GPR158: variants seen among roughly 807,000 people sequenced by gnomAD.
The protein encoded by GPR158 is G protein-coupled receptor 158, also known as metabotropic glycine receptor.
GPR158 carries 30 observed loss-of-function variants against 78.2 expected under a neutral mutation model. The ratio of observed to expected loss-of-function variants is 0.38; its 90% CI spans 0.29 to 0.52. The LOEUF (loss-of-function observed/expected upper bound fraction) is 0.52. Ranked by LOEUF, GPR158 falls within the 20% of genes least tolerant of loss-of-function variation. GPR158 has a pLI of 0.83. For missense variants in GPR158, 1,463 were observed against 1,523.5 expected (o/e 0.96, Z 0.66); for synonymous variants, 581 against 591.1 (o/e 0.98, Z 0.25).
chr10:25,393,266 C>A (rs747424986), intron 2 of GPR158, among the ~76,000 whole-genome samples: 12 of 152,232 alleles, frequency 7.9e-5, no homozygotes, highest in Non-Finnish European at 1.5e-4. Context: ...TGTTGCAGTG[C>A]TGAGTCATAT....
chr10:25,376,254 CTT>C (rs780991717), intron 2 of GPR158, among the ~76,000 whole-genome samples: 35 of 151,578 alleles, frequency 2.3e-4, no homozygotes, highest in Middle Eastern at 3.4e-3. Flanking sequence ...TCATAAGTCT[CTT>C]GTGTATTTTT....
intron 1 of GPR158, among the ~76,000 whole-genome samples, chr10:25,210,224 G>T (rs2130668171): frequency 6.6e-6 from 1 of 152,270 alleles, no homozygotes; most frequent in East Asian, 1.9e-4. Flanking sequence ...TGATTAAATA[G>T]TTGTTAGATA....
chr10:25,428,273 CTA>C (rs1298273321), intron 4 of GPR158, among the ~76,000 whole-genome samples: 1 of 151,982 alleles, frequency 6.6e-6, no homozygotes, highest in African/African-American at 2.4e-5. Flanking sequence ...AGTTAAGAGA[CTA>C]AAATTCTGCT....
At chr10:25,447,450 T>C (rs540006437) in intron 4 of GPR158, among the ~76,000 whole-genome samples, 50 of 152,360 alleles carry the variant, frequency 3.3e-4, no homozygotes, top group African/African-American at 1.1e-3. Context: ...TGTCTGAGTC[T>C]TTCATGGCAT....
chr10:25,385,341 A>G (rs1834208300), intron 2 of GPR158, among the ~76,000 whole-genome samples: 1 of 148,890 alleles, frequency 6.7e-6, no homozygotes, highest in East Asian at 1.9e-4. Context: ...ATTTTTATAT[A>G]TCACAGTTTG....
chr10:25,398,610 T>C (rs868237823), intron 3 of GPR158, among the ~76,000 whole-genome samples: 2 of 152,204 alleles, frequency 1.3e-5, no homozygotes, highest in Non-Finnish European at 2.9e-5. Flanking sequence ...TAACAACTTA[T>C]CTTTATTTAA....
rs762304776 is a variant in GPR158 at position 25,596,730 on chromosome 10, C to T, written c.2086C>T (p.Leu696=). Residue 696 remains leucine, a synonymous_variant, in exon 10 of 11, where the codon CTG becomes TTG. Transcript: ENST00000376351. Reference sequence around the variant, plus strand: ...AGACATGGGCCGATCTGGATCCTACCTGAACAGCAGTATCAATTCAGCCTG... The same window carrying T: ...AGACATGGGCCGATCTGGATCCTACTTGAACAGCAGTATCAATTCAGCCTG... ...ELDMGRSGSY[L]NSSINSAWSE... 3 of 1,613,672 alleles carry T rather than the reference C, an allele frequency of 1.9e-6. No individual in the cohort carries two copies. Among genetic ancestry groups the T allele is most frequent in the South Asian group, 1.1e-5 (1 of 91,062 alleles).
chr10:25,454,179 T>A (rs1047170834), intron 4 of GPR158, among the ~76,000 whole-genome samples: 9 of 152,142 alleles, frequency 5.9e-5, no homozygotes, highest in Non-Finnish European at 1.3e-4. Context: ...TTTTAGGCTA[T>A]TGAAAATGAG....
intron 2 of GPR158, among the ~76,000 whole-genome samples, chr10:25,297,124 G>A (rs183090524): frequency 6.0e-4 from 92 of 152,278 alleles, no homozygotes; most frequent in African/African-American, 1.3e-3. Context: ...TAACTCAGGC[G>A]TTTGTTTATT....
At chr10:25,529,238 T>A (rs1836391594) in intron 5 of GPR158, among the ~76,000 whole-genome samples, 1 of 151,790 alleles carries the variant, frequency 6.6e-6, no homozygotes, top group South Asian at 2.1e-4. Flanking sequence ...ATACAAAAAA[T>A]TAGCCGGGCG....
chr10:25,358,990 T>C (rs1855590608), intron 2 of GPR158, among the ~76,000 whole-genome samples: 1 of 147,300 alleles, frequency 6.8e-6, no homozygotes, highest in South Asian at 2.1e-4. Context: ...TGGTTTGTAA[T>C]GGTCAAGTAT....
chr10:25,387,414 A>G (rs1418112992), intron 2 of GPR158, among the ~76,000 whole-genome samples: 2 of 152,150 alleles, frequency 1.3e-5, no homozygotes, highest in African/African-American at 2.4e-5. Flanking sequence ...CATCAGGAAT[A>G]CTTGTCTATT....
intron 2 of GPR158, among the ~76,000 whole-genome samples, chr10:25,363,710 G>T (rs1207711227): frequency 1.3e-5 from 2 of 151,540 alleles, no homozygotes; most frequent in African/African-American, 2.4e-5. Flanking sequence ...TTGAATCCTG[G>T]ATCCTGCTAT....
chr10:25,374,001 C>G (rs1459332756), intron 2 of GPR158, among the ~76,000 whole-genome samples: 1 of 151,438 alleles, frequency 6.6e-6, no homozygotes, highest in African/African-American at 2.4e-5. Flanking sequence ...ATTTTTCTAC[C>G]ATTACTGCAA....
At chr10:25,484,308 A>G (rs1835703916) in intron 5 of GPR158, among the ~76,000 whole-genome samples, 2 of 152,190 alleles carry the variant, frequency 1.3e-5, no homozygotes, top group African/African-American at 2.4e-5. Flanking sequence ...CTTTGCTCAA[A>G]TGTCACTTCT....
chr10:25,260,498 A>G (rs1404828078), intron 2 of GPR158, among the ~76,000 whole-genome samples: 10 of 151,726 alleles, frequency 6.6e-5, no homozygotes, highest in Admixed American at 6.6e-4. Flanking sequence ...GAATTTTTAC[A>G]TATGTTAGGC....
intron 2 of GPR158, among the ~76,000 whole-genome samples, chr10:25,331,585 C>CA (rs1277960422): frequency 6.6e-6 from 1 of 152,170 alleles, no homozygotes; most frequent in Non-Finnish European, 1.5e-5. Context: ...TGTGATAGCA[C>CA]ATTACAGTGT....
chr10:25,313,608 T>C (rs1468659916), intron 2 of GPR158, among the ~76,000 whole-genome samples: 1 of 152,200 alleles, frequency 6.6e-6, no homozygotes, highest in Admixed American at 6.5e-5. Flanking sequence ...ATGTCATTTT[T>C]CTCCTTAGAT....
chr10:25,491,285 A>G (rs1356638181), intron 5 of GPR158, among the ~76,000 whole-genome samples: 2 of 152,190 alleles, frequency 1.3e-5, no homozygotes, highest in African/African-American at 4.8e-5. Flanking sequence ...TAGGTCTGGC[A>G]ATGAAATATG....
Sources: gnomAD v4.1 joint callset for allele counts (sites outside exome capture counted in the v4.1 genomes callset) on GRCh38, gnomAD v4.1.1 for gene constraint, MANE v1.5 for transcripts, NCBI Gene and HGNC (gene_info 2026-07-23, HGNC 2026-07-21) for gene names.